Variants in SPAG16 observed in about 807,000 individuals in gnomAD.
The protein encoded by SPAG16 is sperm associated antigen 16, also known as sperm-associated antigen 16 protein.
A neutral mutation model predicts 80.4 loss-of-function variants in SPAG16; 86 were observed. That is an observed-to-expected ratio of 1.07 (90% CI 0.90 to 1.28). The LOEUF is 1.28. Among genes scored for constraint, SPAG16 ranks in the 50% most tolerant of loss-of-function variants. SPAG16 has a pLI of 0.00. For missense variants in SPAG16, 870 were observed against 765.3 expected (o/e 1.14, Z -1.61); for synonymous variants, 294 against 265.9 (o/e 1.11, Z -1.03).
chr2:213,586,027 C>A (rs747283359), intron 10 of SPAG16, among the ~76,000 whole-genome samples: 4 of 152,106 alleles, frequency 2.6e-5, no homozygotes, highest in South Asian at 2.1e-4. Flanking sequence ...GTATACCATG[C>A]ATTCAGATTC....
intron 10 of SPAG16, among the ~76,000 whole-genome samples, chr2:213,832,291 T>C (rs2073713580): frequency 6.6e-6 from 1 of 152,032 alleles, no homozygotes; most frequent in South Asian, 2.1e-4. Flanking sequence ...CCACCATGCC[T>C]GGCACTTTTA....
At chr2:213,968,599 A>G (rs1442285981) in intron 12 of SPAG16, among the ~76,000 whole-genome samples, 2 of 152,222 alleles carry the variant, frequency 1.3e-5, no homozygotes, top group East Asian at 1.9e-4. Flanking sequence ...ATGTTTGGGC[A>G]ATGATTAACT....
At chr2:213,951,860 C>T (rs1488086825) in intron 12 of SPAG16, among the ~76,000 whole-genome samples, 1 of 152,010 alleles carries the variant, frequency 6.6e-6, no homozygotes, top group Non-Finnish European at 1.5e-5. Context: ...TTTTGAGATT[C>T]GCTAAAACCA....
intron 10 of SPAG16, among the ~76,000 whole-genome samples, chr2:213,588,289 T>A (rs1004514135): frequency 6.6e-6 from 1 of 152,166 alleles, no homozygotes; most frequent in African/African-American, 2.4e-5. Context: ...TGTTGTTCAT[T>A]ACTAATCATT....
intron 9 of SPAG16, among the ~76,000 whole-genome samples, chr2:213,392,123 A>G (rs2067785545): frequency 6.6e-6 from 1 of 152,228 alleles, no homozygotes; most frequent in Non-Finnish European, 1.5e-5. Context: ...AACCATATGC[A>G]AATGTGAAAA....
chr2:213,867,777 A>G (rs1222291402), intron 11 of SPAG16, among the ~76,000 whole-genome samples: 2 of 150,082 alleles, frequency 1.3e-5, no homozygotes, highest in African/African-American at 4.9e-5. Context: ...AAAAAAAAAT[A>G]GCCGGGCGTG....
chr2:214,025,210 G>C (rs1430775284), intron 13 of SPAG16, among the ~76,000 whole-genome samples: 1 of 151,604 alleles, frequency 6.6e-6, no homozygotes, highest in Non-Finnish European at 1.5e-5. Context: ...CTGTCTCTTT[G>C]GTTGATGGGT....
At chr2:213,303,502 T>A (rs369496393) in intron 3 of SPAG16, among the ~76,000 whole-genome samples, 1 of 152,022 alleles carries the variant, frequency 6.6e-6, no homozygotes, top group East Asian at 1.9e-4. Context: ...TCATTCTGAC[T>A]ATATTTTTGT....
chr2:213,476,730 G>C (rs2073417810), intron 9 of SPAG16, among the ~76,000 whole-genome samples: 1 of 152,204 alleles, frequency 6.6e-6, no homozygotes, highest in African/African-American at 2.4e-5. Context: ...CAGTGAGCAG[G>C]AGGGAGCGGG....
In SPAG16 at chr2:213,480,743, T is replaced by A. The variant is rs77747385; in HGVS notation, c.943-9220T>A. 7.2e-5 allele frequency among the ~76,000 whole-genome samples: 11 copies of A among 152,318 alleles called. No homozygotes were observed. The East Asian group carries it at 2.1e-3, about 29-fold the overall frequency. Reference sequence around the variant, plus strand: ...CTATTTTGTACACTTTCCCTTTGAATATTTTTAGGTTTGCAACACTTTTAT... The same window carrying A: ...CTATTTTGTACACTTTCCCTTTGAAAATTTTTAGGTTTGCAACACTTTTAT... On this transcript the variant is annotated intron_variant, in intron 9 of 15. Coordinates refer to ENST00000331683, the MANE Select transcript of SPAG16 (RefSeq NM_024532.5).
intron 10 of SPAG16, among the ~76,000 whole-genome samples, chr2:213,512,545 C>G (rs2075269441): frequency 6.6e-6 from 1 of 152,066 alleles, no homozygotes; most frequent in Admixed American, 6.5e-5. Flanking sequence ...TGAACTGGCA[C>G]TTTAATTTAT....
intron 10 of SPAG16, among the ~76,000 whole-genome samples, chr2:213,550,235 A>T (rs970355711): frequency 6.6e-6 from 1 of 151,646 alleles, no homozygotes; most frequent in South Asian, 2.1e-4. Context: ...TTTCAGAATT[A>T]ATCAGCATCA....
chr2:214,185,687 C>T (rs908484453), intron 15 of SPAG16, among the ~76,000 whole-genome samples: 1 of 152,028 alleles, frequency 6.6e-6, no homozygotes, highest in African/African-American at 2.4e-5. Context: ...GCAGGCCAGA[C>T]AGAGACAGAA....
chr2:213,758,903 T>A (rs1034986397), intron 10 of SPAG16, among the ~76,000 whole-genome samples: 1 of 152,254 alleles, frequency 6.6e-6, no homozygotes, highest in East Asian at 1.9e-4. Flanking sequence ...GATAGAATCT[T>A]AAAAGCAGCA....
intron 12 of SPAG16, among the ~76,000 whole-genome samples, chr2:213,964,495 G>A (rs2044607987): frequency 6.6e-6 from 1 of 152,006 alleles, no homozygotes; most frequent in South Asian, 2.1e-4. Context: ...TCTGGACACA[G>A]TTTTCTTGGT....
At chr2:214,044,781 C>T (rs1443620333) in intron 13 of SPAG16, among the ~76,000 whole-genome samples, 1 of 152,200 alleles carries the variant, frequency 6.6e-6, no homozygotes, top group Admixed American at 6.5e-5. Flanking sequence ...GCTGCCCTGT[C>T]ACAGCACAAA....
intron 12 of SPAG16, among the ~76,000 whole-genome samples, chr2:214,004,558 G>T (rs1186832906): frequency 6.6e-6 from 1 of 152,102 alleles, no homozygotes; most frequent in Non-Finnish European, 1.5e-5. Context: ...CTCTAAAAAA[G>T]GTGTCGGGGC....
At chr2:214,285,396 GTAT>G (rs1475940869) in intron 15 of SPAG16, among the ~76,000 whole-genome samples, 1 of 151,978 alleles carries the variant, frequency 6.6e-6, no homozygotes. Context: ...CTTATCAGAT[GTAT>G]GCCTTGCAAA....
intron 15 of SPAG16, among the ~76,000 whole-genome samples, chr2:214,250,459 T>C (rs1344826145): frequency 5.3e-5 from 8 of 151,132 alleles, no homozygotes; most frequent in Non-Finnish European, 1.2e-4. Context: ...CTAATAATTA[T>C]TCAGTTTCTC....
Sources: allele counts gnomAD v4.1 joint callset (sites outside exome capture counted in the v4.1 genomes callset), GRCh38; gene constraint gnomAD v4.1.1; transcripts MANE v1.5; gene names NCBI Gene and HGNC (gene_info 2026-07-23, HGNC 2026-07-21).